Variants in SNTG1 observed in about 807,000 individuals in gnomAD.
SNTG1 encodes syntrophin gamma 1.
In SNTG1, 39 loss-of-function variants were observed where a neutral mutation model predicts 74.7. The observed-to-expected ratio is 0.52, with a 90% CI of 0.40 to 0.68. The LOEUF (loss-of-function observed/expected upper bound fraction) is 0.68, where lower values mean the gene tolerates loss of function less well. Among genes scored for constraint, SNTG1 ranks in the 30% least tolerant of loss-of-function variants. SNTG1 has a pLI of 0.00. For missense variants in SNTG1, 685 were observed against 609.5 expected (o/e 1.12, Z -1.30); for synonymous variants, 254 against 217.1 (o/e 1.17, Z -1.49).
intron 2 of SNTG1, among the ~76,000 whole-genome samples, chr8:50,318,820 A>G (rs553907349): frequency 6.6e-6 from 1 of 152,150 alleles, no homozygotes; most frequent in Non-Finnish European, 1.5e-5. Flanking sequence ...CCATCCTATC[A>G]TCAACCTTCT....
chr8:50,606,878 A>C (rs2094816694), intron 13 of SNTG1, among the ~76,000 whole-genome samples: 1 of 151,628 alleles, frequency 6.6e-6, no homozygotes. Context: ...TGTTCTATTA[A>C]TGTATTGTTA....
intron 15 of SNTG1, among the ~76,000 whole-genome samples, chr8:50,699,394 T>C (rs1476894089): frequency 6.6e-6 from 1 of 152,134 alleles, no homozygotes; most frequent in Admixed American, 6.5e-5. Flanking sequence ...GTATAGTGAG[T>C]TTGGGGTCCC....
intron 2 of SNTG1, among the ~76,000 whole-genome samples, chr8:50,314,226 T>C (rs1241290253): frequency 6.7e-6 from 1 of 149,470 alleles, no homozygotes; most frequent in Non-Finnish European, 1.5e-5. Flanking sequence ...GATTCTTTCA[T>C]CTTTACTCCC....
chr8:50,121,435 A>C (rs889314264), intron 1 of SNTG1, among the ~76,000 whole-genome samples: 6 of 142,424 alleles, frequency 4.2e-5, no homozygotes, highest in African/African-American at 1.3e-4. Flanking sequence ...TTATCAGTGC[A>C]TACAAAATTT....
At chr8:50,612,785 G>A (rs116998457) in intron 13 of SNTG1, among the ~76,000 whole-genome samples, 1,631 of 152,270 alleles carry the variant, frequency 0.011, 9 homozygotes, top group Non-Finnish European at 0.017. Context: ...CAATAGAGTC[G>A]TGGGCAGTTT....
chr8:50,238,393 A>T (rs1311308409), intron 2 of SNTG1, among the ~76,000 whole-genome samples: 3 of 152,222 alleles, frequency 2.0e-5, no homozygotes, highest in African/African-American at 7.2e-5. Flanking sequence ...AAATGGGAAA[A>T]TAATTCACTA....
chr8:50,535,687 A>G (rs1246008360), intron 10 of SNTG1, among the ~76,000 whole-genome samples: 1 of 152,224 alleles, frequency 6.6e-6, no homozygotes, highest in Non-Finnish European at 1.5e-5. Context: ...GCAACATACA[A>G]CCTTAAGTAA....
intron 2 of SNTG1, among the ~76,000 whole-genome samples, chr8:50,372,968 TTC>T (rs2092301442): frequency 6.6e-6 from 1 of 152,280 alleles, no homozygotes; most frequent in South Asian, 2.1e-4. Flanking sequence ...GAAAAATATT[TTC>T]TGTGTCTCTC....
At chr8:50,312,545 A>C (rs1165189149) in intron 2 of SNTG1, among the ~76,000 whole-genome samples, 1 of 149,620 alleles carries the variant, frequency 6.7e-6, no homozygotes, top group Admixed American at 6.8e-5. Context: ...CAAGGAGGAA[A>C]GAGATTGTGG....
intron 13 of SNTG1, among the ~76,000 whole-genome samples, chr8:50,644,637 A>G (rs986539878): frequency 2.0e-5 from 3 of 152,152 alleles, no homozygotes; most frequent in Non-Finnish European, 4.4e-5. Flanking sequence ...GAGAGTCAAA[A>G]GTTATACATT....
intron 18 of SNTG1, among the ~76,000 whole-genome samples, chr8:50,782,911 T>C (rs2095664044): frequency 1.3e-5 from 2 of 152,196 alleles, no homozygotes; most frequent in Non-Finnish European, 2.9e-5. Flanking sequence ...TTGTTAGTTT[T>C]CCTTCTAACA....
intron 1 of SNTG1, among the ~76,000 whole-genome samples, chr8:50,125,595 T>C (rs2081113104): frequency 7.0e-6 from 1 of 142,010 alleles, no homozygotes; most frequent in Admixed American, 7.3e-5. Context: ...GCAACCATTG[T>C]AATAAATACT....
intron 13 of SNTG1, among the ~76,000 whole-genome samples, chr8:50,629,386 T>G (rs966743275): frequency 1.3e-5 from 2 of 152,136 alleles, no homozygotes; most frequent in Non-Finnish European, 2.9e-5. Flanking sequence ...GCTTGTTCCT[T>G]CAAATGAGAT....
chr8:50,210,122 G>T (rs1226174632), intron 2 of SNTG1, among the ~76,000 whole-genome samples: 1 of 152,150 alleles, frequency 6.6e-6, no homozygotes, highest in South Asian at 2.1e-4. Flanking sequence ...GGAAGAAGGA[G>T]TATCAGTGAT....
At chr8:50,223,845 C>A (rs1196514385) in intron 2 of SNTG1, among the ~76,000 whole-genome samples, 1 of 151,844 alleles carries the variant, frequency 6.6e-6, no homozygotes, top group African/African-American at 2.4e-5. Context: ...AGAACAGATG[C>A]ATTAGCTACA....
intron 2 of SNTG1, among the ~76,000 whole-genome samples, chr8:50,260,319 G>A (rs757580454): frequency 1.7e-4 from 26 of 152,094 alleles, no homozygotes; most frequent in South Asian, 6.2e-4. Flanking sequence ...GTCCCTTGTA[G>A]CATTTCTGTC....
At chr8:50,163,377 A>G (rs539050211) in intron 1 of SNTG1, 14 of 148,404 alleles carry the variant, frequency 9.4e-5, no homozygotes, top group Middle Eastern at 3.6e-3. Context: ...CCAAAATATA[A>G]TTTTTCCAAA....
intron 2 of SNTG1, among the ~76,000 whole-genome samples, chr8:50,175,641 C>T (rs2082971787): frequency 6.6e-6 from 1 of 152,130 alleles, no homozygotes; most frequent in Admixed American, 6.5e-5. Flanking sequence ...AAGTATCATG[C>T]ACAGTAAATC....
intron 13 of SNTG1, among the ~76,000 whole-genome samples, chr8:50,605,929 T>G (rs2130956202): frequency 6.6e-6 from 1 of 152,322 alleles, no homozygotes. Flanking sequence ...TTATGTCTGT[T>G]GATTGGTATA....
Sources: allele counts gnomAD v4.1 joint callset (sites outside exome capture counted in the v4.1 genomes callset), GRCh38; gene constraint gnomAD v4.1.1; transcripts MANE v1.5; gene names NCBI Gene and HGNC (gene_info 2026-07-23, HGNC 2026-07-21).